R3HDM1: variants seen among roughly 807,000 people sequenced by gnomAD.
R3HDM1 encodes R3H domain containing 1.
Under a neutral mutation model 141.1 loss-of-function variants are expected in R3HDM1, and 46 were observed. The ratio of observed to expected loss-of-function variants is 0.33; its 90% confidence interval spans 0.26 to 0.42. The LOEUF (loss-of-function observed/expected upper bound fraction) is 0.42. Ranked by LOEUF, R3HDM1 falls within the 10% of genes least tolerant of loss-of-function variation. The probability of loss-of-function intolerance (pLI) is 1.00; values close to 1 mark genes in which losing one functional copy is unlikely to be tolerated. For missense variants in R3HDM1, 1,184 were observed against 1,368.3 expected, an observed-to-expected ratio of 0.87 and a Z score of 2.12; for synonymous variants, 435 against 472.9, an observed-to-expected ratio of 0.92 and a Z score of 1.04.
At chr2:135,648,282 A>G (rs1032449827) in intron 16 of R3HDM1, among the ~76,000 whole-genome samples, 2 of 152,106 alleles carry the variant, frequency 1.3e-5, no homozygotes, top group Admixed American at 1.3e-4. Context: ...TTTTAAGCTT[A>G]TCTAAGCTTT....
At chr2:135,599,020 A>G (rs1309533632) in intron 1 of R3HDM1, among the ~76,000 whole-genome samples, 2 of 152,174 alleles carry the variant, frequency 1.3e-5, no homozygotes, top group African/African-American at 4.8e-5. Flanking sequence ...TTGGTGTCAC[A>G]CTTGGGAAGG....
chr2:135,721,782 T>C, intron 24 of R3HDM1, 142 bp from the exon 25 acceptor site: 1 of 542,954 alleles, frequency 1.8e-6, no homozygotes, highest in Non-Finnish European at 3.4e-6. Context: ...GAGATGGGGT[T>C]TCACCATGTT....
chr2:135,641,737 C>T lies in R3HDM1; in HGVS notation c.1421C>T (p.Pro474Leu), dbSNP rs1187784769. 1.1e-5 allele frequency: 17 copies of T among 1,614,122 alleles called. No individual in the cohort carries two copies. Among genetic ancestry groups the T allele is most frequent in the Non-Finnish European group, 1.4e-5 (17 of 1,179,996 alleles). The stretch of plus-strand genomic sequence containing the variant: ...CCTAGCACTAGCTTCTTTTTGCTTC[C>T]CTTGGAAGCGGCAGGCATACCACCT... ...ASPSTSFFLL[P>L]LEAAGIPPGS... Residue 474 changes from proline to leucine, a missense_variant, in exon 15 of 27, where the codon CCC (proline) becomes CTC (leucine). Pro to Leu is a moderately conservative substitution (Grantham distance 98). This residue lies in a region of R3HDM1 where 563 missense variants were observed against 562.0 expected (regional missense o/e 1.00). Transcript: ENST00000683871.
intron 1 of R3HDM1, among the ~76,000 whole-genome samples, chr2:135,545,054 TACTG>T (rs1186497908): frequency 3.3e-5 from 5 of 152,196 alleles, no homozygotes; most frequent in Non-Finnish European, 5.9e-5. Flanking sequence ...ATTCCATAAA[TACTG>T]ACCCAAATCA....
At chr2:135,607,350 A>G (rs928213468) in intron 3 of R3HDM1, 38 of 983,530 alleles carry the variant, frequency 3.9e-5, no homozygotes, top group South Asian at 4.7e-5. Context: ...TTTTTTTCCT[A>G]TTATGTACCA....
At chr2:135,642,432 G>A (rs2063903079) in intron 15 of R3HDM1, among the ~76,000 whole-genome samples, 1 of 152,146 alleles carries the variant, frequency 6.6e-6, no homozygotes. Context: ...TGTTAGGTAG[G>A]TGAAATCCTC....
intron 3 of R3HDM1, among the ~76,000 whole-genome samples, chr2:135,611,372 G>A (rs901768322): frequency 1.3e-5 from 2 of 152,166 alleles, no homozygotes; most frequent in Non-Finnish European, 2.9e-5. Flanking sequence ...CTGGACTCCA[G>A]CCTGAGTGAC....
At chr2:135,639,908 C>T (rs1009194000) in intron 14 of R3HDM1, among the ~76,000 whole-genome samples, 1 of 152,060 alleles carries the variant, frequency 6.6e-6, no homozygotes, top group African/African-American at 2.4e-5. Flanking sequence ...ACCACCCTGG[C>T]CAACATGGCA....
chr2:135,560,306 T>A (rs894307402), intron 1 of R3HDM1, among the ~76,000 whole-genome samples: 1 of 152,224 alleles, frequency 6.6e-6, no homozygotes, highest in Non-Finnish European at 1.5e-5. Context: ...GAAGCATTTT[T>A]ACTTTACCAC....
intron 16 of R3HDM1, among the ~76,000 whole-genome samples, chr2:135,647,998 G>A (rs1184077533): frequency 6.6e-6 from 1 of 152,056 alleles, no homozygotes; most frequent in Non-Finnish European, 1.5e-5. Flanking sequence ...TCCCCCAGCT[G>A]ACTAAAACTT....
At chr2:135,657,965 T>G (rs2066140073) in intron 18 of R3HDM1, among the ~76,000 whole-genome samples, 1 of 152,196 alleles carries the variant, frequency 6.6e-6, no homozygotes. Context: ...ACAAAGTGTA[T>G]TTACACACAC....
At chr2:135,616,103 TTTTCTG>T in intron 3 of R3HDM1, 43 bp from the exon 4 acceptor site, 1 of 1,563,244 alleles carries the variant, frequency 6.4e-7, no homozygotes, top group Non-Finnish European at 8.8e-7. Flanking sequence ...AAGAAGCAAA[TTTTCTG>T]TTTCAGTATG....
At chr2:135,596,010 T>C (rs1264400863) in intron 1 of R3HDM1, among the ~76,000 whole-genome samples, 1 of 152,204 alleles carries the variant, frequency 6.6e-6, no homozygotes, top group Non-Finnish European at 1.5e-5. Context: ...TTTTTCTTTT[T>C]CTTTTTGAGA....
chr2:135,708,282 C>T (rs1012959489), intron 21 of R3HDM1, among the ~76,000 whole-genome samples: 1 of 151,964 alleles, frequency 6.6e-6, no homozygotes, highest in African/African-American at 2.4e-5. Flanking sequence ...TTTGTATTTC[C>T]TTCTGCCCCG....
At chr2:135,592,764 T>G (rs1161232975) in intron 1 of R3HDM1, among the ~76,000 whole-genome samples, 2 of 151,930 alleles carry the variant, frequency 1.3e-5, no homozygotes, top group African/African-American at 4.8e-5. Context: ...TTTTTATTTT[T>G]ATTTTTTAAG....
intron 1 of R3HDM1, among the ~76,000 whole-genome samples, chr2:135,593,750 T>C (rs997060504): frequency 6.6e-6 from 1 of 152,182 alleles, no homozygotes; most frequent in African/African-American, 2.4e-5. Context: ...AGACGGAGTC[T>C]GACTCTATCA....
chr2:135,574,743 A>G (rs1312792540), intron 1 of R3HDM1, among the ~76,000 whole-genome samples: 1 of 152,172 alleles, frequency 6.6e-6, no homozygotes, highest in Non-Finnish European at 1.5e-5. Flanking sequence ...GTGCTGAAGG[A>G]GCCTTCAACA....
chr2:135,641,577 C>G lies in R3HDM1; in HGVS notation c.1261C>G (p.Leu421Val). The change falls in exon 15 of 27, where the codon CTT (leucine) becomes GTT (valine). Residue 421 changes from leucine (L) to valine (V), a missense_variant. Physicochemically the swap from Leu to Val is conservative, Grantham distance 32 (BLOSUM62 1). Coordinates refer to ENST00000683871, the MANE Select transcript of R3HDM1 (RefSeq NM_001378107.1). ...TAGTGTAGGGTCATCTACAGGCTCT[C>G]TTTCTCACATCCAGCAGCCTCTTCC... is the stretch of plus-strand genomic sequence containing the variant. The part of the protein sequence containing the change: ...SGSVGSSTGS[L>V]SHIQQPLPGT... 1.2e-6 allele frequency: 2 copies of G among 1,614,084 alleles called. No individual in the cohort carries two copies. Among genetic ancestry groups the G allele is most frequent in the South Asian group, 2.2e-5 (2 of 91,084 alleles).
intron 21 of R3HDM1, among the ~76,000 whole-genome samples, chr2:135,706,353 A>G (rs1262542344): frequency 1.3e-5 from 2 of 151,228 alleles, no homozygotes; most frequent in South Asian, 2.1e-4. Context: ...TTTAGTTTAC[A>G]TATCCATAGT....
Sources: gnomAD v4.1 joint callset for allele counts (sites outside exome capture counted in the v4.1 genomes callset) on GRCh38, gnomAD v4.1.1 for gene constraint, gnomAD v4.1.1 regional missense constraint, MANE v1.5 for transcripts, NCBI Gene and HGNC (gene_info 2026-07-23, HGNC 2026-07-21) for gene names.